The following POTEJ variants were observed in gnomAD, a reference collection of about 807,000 sequenced individuals.
The protein encoded by POTEJ is POTE ankyrin domain family member J.
In POTEJ, 11 loss-of-function variants were observed where a neutral mutation model predicts 69.0. The ratio of observed to expected loss-of-function variants is 0.16; its 90% confidence interval spans 0.10 to 0.26. POTEJ has a LOEUF of 0.26. POTEJ is among the 10% of genes least tolerant of loss of function. The pLI is 1.00. For missense variants in POTEJ, 327 were observed against 1,045.5 expected, an observed-to-expected ratio of 0.31 and a Z score of 9.48; for synonymous variants, 117 against 381.1, an observed-to-expected ratio of 0.31 and a Z score of 8.07.
chr2:130,613,285 T>C (rs1242326370), intron 1 of POTEJ, among the ~76,000 whole-genome samples: 8 of 101,426 alleles, frequency 7.9e-5, no homozygotes, highest in Admixed American at 1.8e-4. Flanking sequence ...CATATGTATA[T>C]ATACATATAT....
At position 130,611,537 on chromosome 2, in the gene POTEJ, T is replaced by C; in HGVS notation, c.5T>C (p.Val2Ala). Residue 2 changes from valine (V) to alanine (A), a missense_variant, in exon 1 of 15, where the codon GTA becomes GCA. Physicochemically the swap from Val to Ala is moderately conservative, Grantham distance 64 (BLOSUM62 0). Coordinates refer to ENST00000409602, the MANE Select transcript of POTEJ (RefSeq NM_001277083.2). The part of the protein sequence containing the change: M[V>A]AEVDSMPAAS... Reference sequence around the variant, plus strand: ...TCCCCAGGCTGTTAAAAGCAGATGGTAGCTGAGGTTGATTCAATGCCGGCT... The same window carrying C: ...TCCCCAGGCTGTTAAAAGCAGATGGCAGCTGAGGTTGATTCAATGCCGGCT... 1.2e-6 allele frequency: 1 copy of C among 837,742 alleles called. No homozygotes were observed. Among genetic ancestry groups the C allele is most frequent in the Non-Finnish European group, 2.0e-6 (1 of 509,408 alleles). The allele number at this position is 837,742 out of a possible 1,614,324, so 51.9% of individuals were successfully genotyped here.
At chr2:130,643,472 ATGCCAC>A (rs372404690) in intron 10 of POTEJ, among the ~76,000 whole-genome samples, 15 of 137,820 alleles carry the variant, frequency 1.1e-4, no homozygotes, top group African/African-American at 4.1e-4. Flanking sequence ...TGAGCTGATC[ATGCCAC>A]TGCATTCCAG....
intron 13 of POTEJ, among the ~76,000 whole-genome samples, 158 bp from the exon 14 acceptor site, chr2:130,654,763 T>C (rs1337603010): frequency 1.4e-5 from 2 of 144,124 alleles, no homozygotes; most frequent in East Asian, 3.9e-4. Flanking sequence ...GCCAGCATGG[T>C]TGGGGACACC....
At position 130,657,659 on chromosome 2, in the gene POTEJ, AC is replaced by A; in HGVS notation, c.2901del (p.Met968CysfsTer20). The A allele has an allele frequency of 6.9e-7, 1 of 1,459,494 alleles. No individual in the cohort carries two copies. Among genetic ancestry groups the A allele is most frequent in the Non-Finnish European group, 9.4e-7 (1 of 1,065,262 alleles). 90.4% of individuals were successfully genotyped at this position (1,459,494 alleles called of 1,614,324 possible). On this transcript the variant is annotated frameshift_variant, in exon 15 of 15. Coordinates refer to ENST00000409602, the MANE Select transcript of POTEJ (RefSeq NM_001277083.2). LOFTEE classifies it high-confidence loss of function. ...YTNTVLSGGTTMYPGMAHRMQ... is the reference protein window; with the variant it reads ...YTNTVLSGGTXMYPGMAHRMQ... Reference sequence around the variant, plus strand: ...CAACACAGTGCTGTCTGGCGGCACCACCATGTACCCTGGCATGGCCCACAGA... The same window carrying A: ...CAACACAGTGCTGTCTGGCGGCACCACATGTACCCTGGCATGGCCCACAGA...
chr2:130,646,072 AT>A, intron 12 of POTEJ, 56 bp from the exon 13 acceptor site: 1 of 1,340,044 alleles, frequency 7.5e-7, no homozygotes, highest in Non-Finnish European at 9.9e-7. Flanking sequence ...TTTTAGTCTG[AT>A]TATCAGTAGA....
intron 10 of POTEJ, among the ~76,000 whole-genome samples, chr2:130,643,288 C>A (rs1370499357): frequency 1.4e-5 from 2 of 139,856 alleles, no homozygotes; most frequent in African/African-American, 5.3e-5. Context: ...AATCCCAGCA[C>A]TTTCAGAGGG....
chr2:130,612,694 C>CTGAGGCA (rs1416468405), intron 1 of POTEJ, among the ~76,000 whole-genome samples: 1 of 111,946 alleles, frequency 8.9e-6, no homozygotes, highest in African/African-American at 3.5e-5. Flanking sequence ...ACTCGGGAGG[C>CTGAGGCA]GGAGCTTGCA....
intron 9 of POTEJ, among the ~76,000 whole-genome samples, chr2:130,637,611 T>C (rs1371648579): frequency 2.6e-4 from 39 of 152,270 alleles, no homozygotes; most frequent in African/African-American, 7.7e-4. Context: ...AAAATAGTCA[T>C]GTAAGGTGGT....
chr2:130,624,831 G>A (rs1267019728), intron 6 of POTEJ, among the ~76,000 whole-genome samples: 4 of 152,218 alleles, frequency 2.6e-5, no homozygotes, highest in African/African-American at 7.2e-5. Flanking sequence ...CTCATTTGAA[G>A]TTGGAAAGAG....
chr2:130,647,556 T>G (rs1411605807), intron 13 of POTEJ, among the ~76,000 whole-genome samples: 3 of 152,206 alleles, frequency 2.0e-5, no homozygotes, highest in African/African-American at 7.2e-5. Context: ...TACATATATT[T>G]ATTTTCTTGA....
rs1354649637 is a variant in POTEJ at position 130,657,488 on chromosome 2, G to C, written c.2728G>C (p.Val910Leu). 1 of 1,571,258 alleles carries C rather than the reference G, an allele frequency of 6.4e-7. No homozygotes were observed. The highest frequency in any genetic ancestry group is 1.5e-5 in the African/African-American group (1 of 67,500). ...GAGCTACGAGCTGCCCGATGGCCAG[G>C]TCATCACCATCAGCAACGAGTGGTT... is the stretch of plus-strand genomic sequence containing the variant. ...EKSYELPDGQ[V>L]ITISNEWFRC... Residue 910 changes from valine to leucine, a missense_variant, in exon 15 of 15, where the codon GTC becomes CTC. Transcript: ENST00000409602.
At chr2:130,620,372 CG>C (rs1184381064) in intron 4 of POTEJ, among the ~76,000 whole-genome samples, 2 of 137,298 alleles carry the variant, frequency 1.5e-5, no homozygotes, top group South Asian at 4.7e-4. Flanking sequence ...TGTTATGTGA[CG>C]TTTTTGGTTA....
At position 130,657,378 on chromosome 2, in the gene POTEJ, G is replaced by A. The variant is rs200010374; in HGVS notation, c.2618G>A (p.Arg873His). The change falls in exon 15 of 15, where the codon CGT (arginine) becomes CAT (histidine). Residue 873 changes from arginine (R) to histidine (H), a missense_variant. Physicochemically the swap from Arg to His is conservative, Grantham distance 29. Coordinates refer to ENST00000409602, the MANE Select transcript of POTEJ (RefSeq NM_001277083.2). ...ACCATGGCCGAGCGGGAAATCGTGC[G>A]TGACATCAAAGAGAAGCTGTGCTAT... ...FTTMAEREIVRDIKEKLCYVA... is the reference protein window; with the variant it reads ...FTTMAEREIVHDIKEKLCYVA... 5.8e-3 allele frequency: 9,126 copies of A among 1,582,510 alleles called. 339 individuals carry two copies. Among genetic ancestry groups the A allele is most frequent in the Non-Finnish European group, 6.1e-3 (7,006 of 1,157,386 alleles).
chr2:130,611,411 G>A (rs1685203033), upstream of POTEJ: 3 of 515,308 alleles, frequency 5.8e-6, no homozygotes, highest in Non-Finnish European at 1.0e-5. Flanking sequence ...GGCAGGTTTT[G>A]GCTGGGATTG....
intron 1 of POTEJ, among the ~76,000 whole-genome samples, chr2:130,613,119 C>T (rs1256511922): frequency 7.1e-6 from 1 of 140,370 alleles, no homozygotes; most frequent in Non-Finnish European, 1.5e-5. Flanking sequence ...TTGGAGAAAA[C>T]TAGCTAGATT....
intron 10 of POTEJ, among the ~76,000 whole-genome samples, chr2:130,639,186 G>A (rs1351449544): frequency 6.6e-6 from 1 of 152,310 alleles, no homozygotes; most frequent in Admixed American, 6.5e-5. Context: ...CTCCTGTGTG[G>A]CATGGTTCCT....
intron 1 of POTEJ, 52 bp downstream of exon 1, chr2:130,611,994 A>G: frequency 7.6e-7 from 1 of 1,316,246 alleles, no homozygotes; most frequent in Non-Finnish European, 1.1e-6. Flanking sequence ...TGATGGGGAC[A>G]TACCCTCCTG....
At chr2:130,636,459 A>C (rs979333162) in intron 9 of POTEJ, among the ~76,000 whole-genome samples, 1 of 145,560 alleles carries the variant, frequency 6.9e-6, no homozygotes, top group Non-Finnish European at 1.5e-5. Flanking sequence ...TTGATATACA[A>C]ATAAAAGGTT....
chr2:130,630,604 G>A (rs1276406596), intron 7 of POTEJ, among the ~76,000 whole-genome samples: 12 of 141,406 alleles, frequency 8.5e-5, no homozygotes, highest in African/African-American at 3.4e-4. Flanking sequence ...ATTGACCTCA[G>A]CGTTTCTGTT....
Sources: gnomAD v4.1 joint callset for allele counts (sites outside exome capture counted in the v4.1 genomes callset) on GRCh38, gnomAD v4.1.1 for gene constraint, MANE v1.5 for transcripts, NCBI Gene and HGNC (gene_info 2026-07-23, HGNC 2026-07-21) for gene names.